DNAH17: variants seen among roughly 807,000 people sequenced by gnomAD.
DNAH17 encodes the protein axonemal beta dynein heavy chain 17.
Under a neutral mutation model 485.6 loss-of-function variants are expected in DNAH17, and 376 were observed. The ratio of observed to expected loss-of-function variants is 0.77; its 90% confidence interval spans 0.71 to 0.84. DNAH17 has a LOEUF of 0.84. DNAH17 is among the 40% of genes least tolerant of loss of function. DNAH17 has a pLI of 0.00. For missense variants in DNAH17, 6,370 were observed against 5,839.3 expected (o/e 1.09, Z -2.96); for synonymous variants, 3,031 against 2,405.9 (o/e 1.26, Z -7.60).
chr17:78,456,457 G>A (rs1568077274), intron 62 of DNAH17, among the ~76,000 whole-genome samples: 3 of 152,290 alleles, frequency 2.0e-5, no homozygotes, highest in East Asian at 3.9e-4. Flanking sequence ...TCTCTCCTGT[G>A]CTGAAGATGC....
chr17:78,455,424 C>T (rs1311280765), intron 63 of DNAH17, among the ~76,000 whole-genome samples: 1 of 151,858 alleles, frequency 6.6e-6, no homozygotes, highest in Non-Finnish European at 1.5e-5. Context: ...CTCCAAGGTT[C>T]AAGTGATTCT....
chr17:78,548,565 CTG>C (rs1318639120), intron 16 of DNAH17, among the ~76,000 whole-genome samples: 1 of 152,154 alleles, frequency 6.6e-6, no homozygotes, highest in African/African-American at 2.4e-5. Context: ...TTCAGTCGGT[CTG>C]TGTTTTTCTG....
At chr17:78,529,739 GC>G in intron 21 of DNAH17, 45 bp from the exon 22 acceptor site, 2 of 1,589,966 alleles carry the variant, frequency 1.3e-6, no homozygotes, top group South Asian at 2.2e-5. Context: ...CCCCCCTTAG[GC>G]CCACCCTTGA....
intron 25 of DNAH17, among the ~76,000 whole-genome samples, chr17:78,523,570 G>T (rs1021635689): frequency 2.0e-5 from 3 of 152,112 alleles, no homozygotes; most frequent in South Asian, 2.1e-4. Flanking sequence ...ATGGATAAAA[G>T]ACATGAATAT....
intron 6 of DNAH17, 92 bp downstream of exon 6, chr17:78,570,856 C>CAAAAAAAAAAAAAAAAAAA (rs60897530): frequency 1.5e-4 from 43 of 292,086 alleles, no homozygotes; most frequent in Admixed American, 4.8e-4. Flanking sequence ...GACTCCCTCT[C>CAAAAAAAAAAAAAAAAAAA]AAAAAAAAAA....
intron 25 of DNAH17, among the ~76,000 whole-genome samples, chr17:78,518,983 A>G (rs891384999): frequency 3.3e-5 from 5 of 152,052 alleles, no homozygotes; most frequent in African/African-American, 1.2e-4. Context: ...TCTGGCTAAC[A>G]TGGTGAAACC....
At chr17:78,458,808 C>T in intron 61 of DNAH17, 128 bp from the exon 62 acceptor site, 1 of 1,062,384 alleles carries the variant, frequency 9.4e-7, no homozygotes. Context: ...TGAGAGCCCT[C>T]TGGAGCATGG....
intron 20 of DNAH17, 32 bp downstream of exon 20, chr17:78,532,450 C>A: frequency 6.3e-7 from 1 of 1,581,574 alleles, no homozygotes; most frequent in Non-Finnish European, 8.6e-7. Context: ...ACTCTGGAGA[C>A]AAGGAGGCTG....
intron 25 of DNAH17, among the ~76,000 whole-genome samples, chr17:78,516,546 C>T (rs1018941298): frequency 3.9e-5 from 6 of 152,184 alleles, no homozygotes; most frequent in East Asian, 1.9e-4. Context: ...AAAAATTAGC[C>T]GGGCGTGATG....
chr17:78,533,121 G>A (rs2091284688), intron 19 of DNAH17: 1 of 208,600 alleles, frequency 4.8e-6, no homozygotes, highest in African/African-American at 2.3e-5. Flanking sequence ...GGGAAGGTAT[G>A]CCAAGTGTGA....
At chr17:78,454,331 G>A (rs1455177185) in intron 64 of DNAH17, 139 bp downstream of exon 64, 1 of 648,610 alleles carries the variant, frequency 1.5e-6, no homozygotes, top group South Asian at 1.9e-5. Flanking sequence ...TACTGCTGCT[G>A]TTCCCCAGGC....
chr17:78,527,708 C>A (rs1484714378), intron 22 of DNAH17, among the ~76,000 whole-genome samples: 1 of 152,152 alleles, frequency 6.6e-6, no homozygotes, highest in African/African-American at 2.4e-5. Context: ...ATGGCTGCAA[C>A]AATCAGATGA....
At position 78,509,897 on chromosome 17, in the gene DNAH17, A is replaced by G. The variant is rs118000193; in HGVS notation, c.4236+487T>C. Among the ~76,000 whole-genome samples the G allele has an allele frequency of 6.0e-3, 913 of 152,302 alleles. 23 individuals are homozygous for G. The highest frequency in any genetic ancestry group is 0.035 in the East Asian group (182 of 5,188). On this transcript the variant is annotated intron_variant, in intron 27 of 80. Transcript: ENST00000389840. ...TGGGTTTTCTAAGAAAAATTCCAGA[A>G]GTAGGCTGGCGCAGTGGCTCACGCC...
intron 54 of DNAH17, among the ~76,000 whole-genome samples, chr17:78,474,393 C>T (rs543293727): frequency 1.3e-5 from 2 of 152,356 alleles, no homozygotes; most frequent in African/African-American, 4.8e-5. Flanking sequence ...AGCAGATTTT[C>T]AGGAACAAGA....
intron 51 of DNAH17, among the ~76,000 whole-genome samples, chr17:78,478,362 C>T (rs2089186579): frequency 1.3e-5 from 2 of 150,808 alleles, no homozygotes; most frequent in Non-Finnish European, 1.5e-5. Flanking sequence ...ATCACCATCA[C>T]CACCACCATC....
intron 26 of DNAH17, among the ~76,000 whole-genome samples, chr17:78,511,401 C>A (rs529700142): frequency 1.3e-5 from 2 of 152,364 alleles, no homozygotes; most frequent in South Asian, 4.1e-4. Context: ...AGCCACCGCA[C>A]CCCCGGCTAG....
chr17:78,449,644 C>A lies in DNAH17; in HGVS notation c.11041-60G>T, dbSNP rs552025240. 6.7e-6 allele frequency: 10 copies of A among 1,492,284 alleles called. No homozygotes were observed. The East Asian group carries it at 2.4e-4, about 36-fold the overall frequency. 92.4% of individuals were successfully genotyped at this position (1,492,284 alleles called of 1,614,324 possible). On this transcript the variant is annotated intron_variant, in intron 68 of 80. Coordinates refer to ENST00000389840, the MANE Select transcript of DNAH17 (RefSeq NM_173628.4). ...CAGAGATGGAGCCCTTCACCACTCC[C>A]CGCCACCACTCCCTGCCACCTGTGG... is the stretch of plus-strand genomic sequence containing the variant.
rs76148130 is a variant in DNAH17, at chr17:78,555,599, G to A, written c.2178+2509C>T. On this transcript the variant is annotated intron_variant, in intron 14 of 80. Coordinates refer to ENST00000389840, the MANE Select transcript of DNAH17 (RefSeq NM_173628.4). The stretch of plus-strand genomic sequence containing the variant: ...GAAGGTCAAAAGAGAAGGCATCAGT[G>A]TGATGACGGAAGCACAAGTTGGAGT... Among the ~76,000 whole-genome samples the A allele has an allele frequency of 6.4e-3, 944 of 148,240 alleles. 24 individuals carry two copies. In the East Asian group the frequency reaches 0.065, roughly 10 times the overall value.
At chr17:78,486,578 G>T in intron 44 of DNAH17, 72 bp from the exon 45 acceptor site, 1 of 1,498,650 alleles carries the variant, frequency 6.7e-7, no homozygotes, top group Non-Finnish European at 8.9e-7. Flanking sequence ...CTTGGTAAAC[G>T]CCCCTCCCTA....
Sources: gnomAD v4.1 joint callset for allele counts (sites outside exome capture counted in the v4.1 genomes callset) on GRCh38, gnomAD v4.1.1 for gene constraint, MANE v1.5 for transcripts, NCBI Gene and HGNC (gene_info 2026-07-23, HGNC 2026-07-21) for gene names.